The following TJP2 variants were observed in gnomAD, a reference collection of about 807,000 sequenced individuals.
TJP2 encodes the protein tight junction protein 2, also known as Friedreich ataxia region gene X104 (tight junction protein ZO-2).
A neutral mutation model predicts 133.1 loss-of-function variants in TJP2; 91 were observed. That is an observed-to-expected ratio of 0.68 (90% confidence interval 0.58 to 0.81). The LOEUF (loss-of-function observed/expected upper bound fraction) is 0.81, where lower values mean the gene tolerates loss of function less well. Among genes scored for constraint, TJP2 ranks in the 40% least tolerant of loss-of-function variants. TJP2 has a pLI of 0.00. For missense variants in TJP2, 1,541 were observed against 1,565.6 expected, an observed-to-expected ratio of 0.98 and a Z score of 0.26; for synonymous variants, 592 against 583.4, an observed-to-expected ratio of 1.01 and a Z score of -0.21.
chr9:69,246,040 A>G (rs1830902738), intron 17 of TJP2, among the ~76,000 whole-genome samples: 1 of 152,216 alleles, frequency 6.6e-6, no homozygotes, highest in Non-Finnish European at 1.5e-5. Flanking sequence ...TTTTCTTGTC[A>G]TTATTCCCTA....
intron 1 of TJP2, among the ~76,000 whole-genome samples, chr9:69,180,119 G>A (rs1038925266): frequency 6.6e-6 from 1 of 152,146 alleles, no homozygotes; most frequent in East Asian, 1.9e-4. Context: ...ATATAACTAT[G>A]GTACTAAACA....
Position 69,236,160 on chromosome 9 carries a change from A to T in TJP2, c.1913A>T (p.Tyr638Phe), listed in dbSNP as rs1271803033. ...GEVFRVVDTL[Y>F]DGKLGNWLAV... ...GTCTTCCGAGTGGTAGACACACTGT[A>T]TGACGGCAAGCTGGGCAACTGGCTG... The change falls in exon 13 of 23, where the codon TAT becomes TTT. Residue 638 changes from tyrosine (Y) to phenylalanine (F), a missense_variant. By Grantham distance (22) the Tyr-to-Phe change is conservative. Transcript: ENST00000377245. 2.5e-6 allele frequency: 4 copies of T among 1,614,080 alleles called. No homozygotes were observed. In the African/African-American group the frequency reaches 5.3e-5, roughly 22 times the overall value.
intron 17 of TJP2, among the ~76,000 whole-genome samples, chr9:69,242,758 G>A (rs116324216): frequency 1.3e-3 from 199 of 152,238 alleles, no homozygotes; most frequent in African/African-American, 4.6e-3. Context: ...TCTCACCCTC[G>A]TCCCTCTTAG....
In TJP2 at chr9:69,230,073, C is replaced by T. The variant is rs1316285349; in HGVS notation, c.1521-9C>T. 1.2e-6 allele frequency: 2 copies of T among 1,613,968 alleles called. No individual in the cohort carries two copies. Among genetic ancestry groups the T allele is most frequent in the East Asian group, 2.2e-5 (1 of 44,896 alleles). ...CCATCTTTCCTTTCTGAAACGGAACCTATTGCAGCCCTAATACCAAAATGG... is the reference window on the plus strand; with the variant it reads ...CCATCTTTCCTTTCTGAAACGGAACTTATTGCAGCCCTAATACCAAAATGG... On this transcript the variant is annotated splice_polypyrimidine_tract_variant and intron_variant, in intron 10 of 22. Coordinates refer to ENST00000377245, the MANE Select transcript of TJP2 (RefSeq NM_004817.4).
chr9:69,133,967 T>TC (rs1232391970), intron 1 of TJP2, among the ~76,000 whole-genome samples: 204 of 145,526 alleles, frequency 1.4e-3, no homozygotes, highest in African/African-American at 4.9e-3. Context: ...ACTTTCTCTT[T>TC]TCTCTCTTTC....
Position 69,254,502 on chromosome 9 carries a change from T to G in TJP2, c.*128T>G, listed in dbSNP as rs1185121815. Reference sequence around the variant, plus strand: ...AGACGTGGTGGGACTCCAGCTCGTGTGTCCTCATGGAGAACCCAGGGGACA... The same window carrying G: ...AGACGTGGTGGGACTCCAGCTCGTGGGTCCTCATGGAGAACCCAGGGGACA... On this transcript the variant is annotated 3_prime_UTR_variant, in exon 23 of 23. Coordinates refer to ENST00000377245, the MANE Select transcript of TJP2 (RefSeq NM_004817.4). 3.2e-6 allele frequency: 4 copies of G among 1,247,528 alleles called. No homozygotes were observed. Among genetic ancestry groups the G allele is most frequent in the Admixed American group, 1.9e-5 (1 of 51,998 alleles). The allele number at this position is 1,247,528 out of a possible 1,614,324, so 77.3% of individuals were successfully genotyped here.
At chr9:69,223,069 G>GAAAAAAAAAAAA (rs57114714) in intron 5 of TJP2, among the ~76,000 whole-genome samples, 3 of 114,118 alleles carry the variant, frequency 2.6e-5, no homozygotes, top group African/African-American at 6.1e-5. Flanking sequence ...ACTCTGTCTT[G>GAAAAAAAAAAAA]AAAAAAAAAA....
intron 1 of TJP2, among the ~76,000 whole-genome samples, chr9:69,187,654 G>A (rs957863430): frequency 1.3e-5 from 2 of 152,236 alleles, no homozygotes; most frequent in Non-Finnish European, 2.9e-5. Flanking sequence ...GAAGATCGGT[G>A]TGTTTTCAGT....
intron 1 of TJP2, among the ~76,000 whole-genome samples, chr9:69,197,054 C>T (rs528827046): frequency 2.0e-5 from 3 of 151,906 alleles, no homozygotes; most frequent in East Asian, 1.9e-4. Flanking sequence ...CTGCAACCTC[C>T]GCCTCCCCAG....
At chr9:69,164,109 G>A (rs559749306) in intron 2 of TJP2, among the ~76,000 whole-genome samples, 15 of 152,104 alleles carry the variant, frequency 9.9e-5, no homozygotes, top group South Asian at 4.1e-4. Context: ...AACATCTCCC[G>A]GAGGTGCCTT....
rs765975804 is a variant in TJP2, at chr9:69,236,207, T to C, written c.1960T>C (p.Leu654=). 1.5e-5 allele frequency: 25 copies of C among 1,613,666 alleles called. No homozygotes were observed. In the Middle Eastern group the frequency reaches 8.2e-4, roughly 53 times the overall value. ...NWLAVRIGNE[L]EKGLIPNKSR... ...GCTGGCTGTGAGGATTGGGAACGAG[T>C]TGGAGAAAGGCTTAATCCCCAACAA... Residue 654 remains leucine (L), a synonymous_variant, in exon 13 of 23, where the codon TTG becomes CTG. Transcript: ENST00000377245.
At chr9:69,188,010 A>G (rs1825969281) in intron 1 of TJP2, among the ~76,000 whole-genome samples, 1 of 152,210 alleles carries the variant, frequency 6.6e-6, no homozygotes, top group African/African-American at 2.4e-5. Flanking sequence ...GAGAAGTCCA[A>G]AATGTGCATT....
At chr9:69,169,316 C>T (rs529358917), upstream of TJP2, among the ~76,000 whole-genome samples, 10 of 149,666 alleles carry the variant, frequency 6.7e-5, no homozygotes, top group African/African-American at 2.2e-4. Context: ...ACAGTGTACA[C>T]GTTAACTAAA....
At chr9:69,244,699 G>T (rs955580780) in intron 17 of TJP2, among the ~76,000 whole-genome samples, 1 of 152,242 alleles carries the variant, frequency 6.6e-6, no homozygotes, top group African/African-American at 2.4e-5. Flanking sequence ...AGGGAAGGCA[G>T]CTTCATGTCT....
intron 14 of TJP2, 59 bp from the exon 15 acceptor site, chr9:69,237,819 T>A (rs748548444): frequency 8.2e-7 from 1 of 1,224,212 alleles, no homozygotes; most frequent in South Asian, 1.2e-5. Context: ...ATACTTTTAC[T>A]GCTTATCATA....
In TJP2 at chr9:69,216,410, G is replaced by A. The variant is rs764126539; in HGVS notation, c.186G>A (p.Thr62=). 18 of 1,614,074 alleles carry A rather than the reference G, an allele frequency of 1.1e-5. No individual in the cohort carries two copies. The highest frequency in any genetic ancestry group is 1.6e-4 in the Middle Eastern group (1 of 6,082). The change falls in exon 3 of 23, where the codon ACG becomes ACA. Residue 62 remains threonine, a synonymous_variant. Coordinates refer to ENST00000377245, the MANE Select transcript of TJP2 (RefSeq NM_004817.4). ...RDNPHFENGE[T]SIVISDVLPG... ...ACCCCCACTTTGAAAATGGAGAAAC[G>A]TCAATTGTCATTTCTGATGTGCTCC...
intron 1 of TJP2, among the ~76,000 whole-genome samples, chr9:69,198,041 G>A (rs1483180645): frequency 1.3e-5 from 2 of 152,138 alleles, no homozygotes; most frequent in Non-Finnish European, 2.9e-5. Flanking sequence ...CTTGGATGGA[G>A]GTCTGTTTTT....
At chr9:69,154,850 A>G (rs1823662562) in intron 2 of TJP2, among the ~76,000 whole-genome samples, 2 of 152,126 alleles carry the variant, frequency 1.3e-5, no homozygotes, top group South Asian at 2.1e-4. Flanking sequence ...CATTTTCTAG[A>G]TACGAAATCT....
chr9:69,234,851 G>A (rs1046742079), intron 12 of TJP2, among the ~76,000 whole-genome samples: 1 of 152,112 alleles, frequency 6.6e-6, no homozygotes, highest in African/African-American at 2.4e-5. Context: ...GTTTACATAC[G>A]ACATGTGCAA....
Sources: allele counts gnomAD v4.1 joint callset (sites outside exome capture counted in the v4.1 genomes callset), GRCh38; gene constraint gnomAD v4.1.1; transcripts MANE v1.5; gene names NCBI Gene and HGNC (gene_info 2026-07-23, HGNC 2026-07-21).